Variants in MEGF10 observed in about 807,000 individuals in gnomAD.
The protein encoded by MEGF10 is multiple EGF like domains 10.
A neutral mutation model predicts 147.5 loss-of-function variants in MEGF10; 86 were observed. The observed-to-expected ratio is 0.58, with a 90% CI of 0.49 to 0.70. The LOEUF (loss-of-function observed/expected upper bound fraction) is 0.70. Ranked by LOEUF, MEGF10 falls within the 30% of genes least tolerant of loss-of-function variation. The pLI is 0.00. For missense variants in MEGF10, 1,329 were observed against 1,487.3 expected (o/e 0.89, Z 1.75); for synonymous variants, 478 against 525.5 (o/e 0.91, Z 1.24).
chr5:127,285,130 G>A, the MEGF10 span, among the ~76,000 whole-genome samples: 925 of 152,230 alleles, frequency 6.1e-3, 14 homozygotes, highest in African/African-American at 0.021. Context: ...GAAAGTCTCC[G>A]TTAGAATATG....
chr5:127,446,958 G>A (rs75510407), intron 20 of MEGF10, among the ~76,000 whole-genome samples: 4,202 of 152,238 alleles, frequency 0.028, 52 homozygotes, highest in East Asian at 0.045. Flanking sequence ...TGCTTGACTC[G>A]ATTTTAAATT....
the MEGF10 span, among the ~76,000 whole-genome samples, chr5:127,264,768 G>C: frequency 1.3e-5 from 2 of 152,070 alleles, no homozygotes; most frequent in Non-Finnish European, 2.9e-5. Context: ...AAAAAGGGTA[G>C]CTGCTTCAGA....
At chr5:127,396,047 C>T (rs559840969) in intron 5 of MEGF10, among the ~76,000 whole-genome samples, 115 of 152,252 alleles carry the variant, frequency 7.6e-4, no homozygotes, top group Non-Finnish European at 1.3e-3. Flanking sequence ...CTTCCACACA[C>T]GTAGGAGGAG....
the MEGF10 span, among the ~76,000 whole-genome samples, chr5:127,238,382 A>G: frequency 6.6e-6 from 1 of 152,154 alleles, no homozygotes; most frequent in African/African-American, 2.4e-5. Flanking sequence ...ATATATTAAA[A>G]AAAACCAAGG....
At chr5:127,384,105 C>T (rs1264168722) in intron 5 of MEGF10, among the ~76,000 whole-genome samples, 1 of 152,168 alleles carries the variant, frequency 6.6e-6, no homozygotes, top group African/African-American at 2.4e-5. Context: ...CCCAAAGGTA[C>T]ATGGACATAG....
intron 4 of MEGF10, among the ~76,000 whole-genome samples, chr5:127,359,583 T>C (rs1264910663): frequency 2.0e-5 from 3 of 152,154 alleles, no homozygotes; most frequent in Non-Finnish European, 4.4e-5. Flanking sequence ...TCTGTCACTC[T>C]AGATTGCTTC....
the MEGF10 span, among the ~76,000 whole-genome samples, chr5:127,246,786 A>AAATAT: frequency 3.1e-4 from 11 of 35,048 alleles, no homozygotes; most frequent in African/African-American, 8.7e-4. Flanking sequence ...ATTTATATAT[A>AAATAT]ATTTATAATA....
chr5:127,419,057 A>T, intron 10 of MEGF10, 63 bp from the exon 11 acceptor site: 1 of 1,532,754 alleles, frequency 6.5e-7, no homozygotes, highest in Admixed American at 2.2e-5. Context: ...ATTTTTGTTT[A>T]TTTGTGTTGG....
chr5:127,406,093 T>A (rs1249057718), intron 8 of MEGF10, among the ~76,000 whole-genome samples: 1 of 152,206 alleles, frequency 6.6e-6, no homozygotes, highest in East Asian at 1.9e-4. Flanking sequence ...TAGTTTCTTG[T>A]CATATTTTAG....
chr5:127,365,937 A>G (rs1724446338), intron 4 of MEGF10, among the ~76,000 whole-genome samples: 1 of 152,158 alleles, frequency 6.6e-6, no homozygotes, highest in Non-Finnish European at 1.5e-5. Context: ...CCTATTCTTT[A>G]TATCTCTGCT....
chr5:127,248,414 T>C, the MEGF10 span, among the ~76,000 whole-genome samples: 1 of 152,094 alleles, frequency 6.6e-6, no homozygotes, highest in Non-Finnish European at 1.5e-5. Context: ...GATCCTGAGA[T>C]GATTCAGATT....
intron 5 of MEGF10, among the ~76,000 whole-genome samples, chr5:127,375,640 C>T (rs764705172): frequency 6.6e-6 from 1 of 152,180 alleles, no homozygotes; most frequent in Non-Finnish European, 1.5e-5. Flanking sequence ...TCCCCTCTTC[C>T]CTGCTCTAGC....
chr5:127,363,135 C>T (rs868423065), intron 4 of MEGF10, among the ~76,000 whole-genome samples: 8 of 152,154 alleles, frequency 5.3e-5, no homozygotes, highest in African/African-American at 7.2e-5. Flanking sequence ...GGCAGAAGTT[C>T]TGAGTTCTTG....
At chr5:127,239,461 AAT>A in the MEGF10 span, among the ~76,000 whole-genome samples, 3,447 of 131,256 alleles carry the variant, frequency 0.026, 141 homozygotes, top group East Asian at 0.11. Context: ...TTATATATAA[AAT>A]ATATATATAT....
At chr5:127,445,297 A>G (rs1580879726) in intron 19 of MEGF10, 160 bp from the exon 20 acceptor site, 1 of 639,274 alleles carries the variant, frequency 1.6e-6, no homozygotes, top group Non-Finnish European at 2.8e-6. Flanking sequence ...ACATCTGACA[A>G]TGAGGAATGT....
intron 23 of MEGF10, 130 bp from the exon 24 acceptor site, chr5:127,455,271 A>T: frequency 1.2e-6 from 1 of 823,172 alleles, no homozygotes; most frequent in South Asian, 1.7e-5. Flanking sequence ...ACAAGTGGAA[A>T]AGGTACAGTA....
chr5:127,260,305 G>C, the MEGF10 span, among the ~76,000 whole-genome samples: 3 of 152,136 alleles, frequency 2.0e-5, no homozygotes, highest in Non-Finnish European at 1.5e-5. Flanking sequence ...TCTCTACACT[G>C]CCTCTGACCT....
chr5:127,340,679 T>A (rs1443956380), intron 4 of MEGF10, 49 bp downstream of exon 4: 1 of 1,509,120 alleles, frequency 6.6e-7, no homozygotes, highest in Non-Finnish European at 9.2e-7. Flanking sequence ...TTCCCAGTGC[T>A]GGTTTGCTTC....
At chr5:127,295,559 A>G (rs1265314568) in intron 1 of MEGF10, among the ~76,000 whole-genome samples, 1 of 152,224 alleles carries the variant, frequency 6.6e-6, no homozygotes, top group African/African-American at 2.4e-5. Flanking sequence ...AAGTGAATGA[A>G]TAATTCTCTG....
Sources: gnomAD v4.1 joint callset for allele counts (sites outside exome capture counted in the v4.1 genomes callset) on GRCh38, gnomAD v4.1.1 for gene constraint, MANE v1.5 for transcripts, NCBI Gene and HGNC (gene_info 2026-07-23, HGNC 2026-07-21) for gene names.